The following SIPA1L1 variants were observed in gnomAD, a reference collection of about 807,000 sequenced individuals.
The protein encoded by SIPA1L1 is signal-induced proliferation-associated 1-like protein 1.
Under a neutral mutation model 162.7 loss-of-function variants are expected in SIPA1L1, and 26 were observed. That is an observed-to-expected ratio of 0.16 (90% CI 0.12 to 0.22). The LOEUF (loss-of-function observed/expected upper bound fraction) is 0.22, where lower values mean the gene tolerates loss of function less well. SIPA1L1 is among the 10% of genes least tolerant of loss of function. The probability of loss-of-function intolerance (pLI) is 1.00; values close to 1 mark genes in which losing one functional copy is unlikely to be tolerated. For synonymous variants in SIPA1L1, 829 were observed against 837.4 expected (o/e 0.99, Z 0.17); for missense variants, 1,874 against 2,241.0 (o/e 0.84, Z 3.31).
rs74956566 is a variant in SIPA1L1, at chr14:71,674,035, C to T, written c.3104+1413C>T. On this transcript the variant is annotated intron_variant, in intron 12 of 23. Transcript: ENST00000381232. ...TGTCTTGTCTCTTTCTCTGCTGTCT[C>T]TCCTTCAAATTGTCTACTTTATTGC... Among the ~76,000 whole-genome samples the T allele has an allele frequency of 7.9e-5, 12 of 152,356 alleles. No homozygotes were observed. The East Asian group carries it at 2.1e-3, about 27-fold the overall frequency.
chr14:71,555,644 T>G (rs1358230933), intron 4 of SIPA1L1, among the ~76,000 whole-genome samples: 1 of 152,214 alleles, frequency 6.6e-6, no homozygotes. Context: ...CTCTCAACTT[T>G]CAAATGTCTT....
At chr14:71,580,981 CCTGTCTAT>C (rs1487120688) in intron 4 of SIPA1L1, among the ~76,000 whole-genome samples, 1 of 152,140 alleles carries the variant, frequency 6.6e-6, no homozygotes, top group Non-Finnish European at 1.5e-5. Flanking sequence ...TGCCTGCCTG[CCTGTCTAT>C]CTGTCTATCT....
intron 13 of SIPA1L1, among the ~76,000 whole-genome samples, chr14:71,690,147 G>A (rs117262460): frequency 1.4e-3 from 212 of 152,224 alleles, no homozygotes; most frequent in Non-Finnish European, 2.5e-3. Flanking sequence ...TCACAGCTTC[G>A]TGCCTTGCCA....
At chr14:71,326,739 A>G (rs559509418) in intron 2 of SIPA1L1, among the ~76,000 whole-genome samples, 195 of 113,150 alleles carry the variant, frequency 1.7e-3, no homozygotes, top group Non-Finnish European at 2.7e-3. Flanking sequence ...TTTTTTTGAG[A>G]TGGAGTCTGT....
At chr14:71,728,183 G>A (rs1265654334) in intron 19 of SIPA1L1, among the ~76,000 whole-genome samples, 2 of 152,202 alleles carry the variant, frequency 1.3e-5, no homozygotes, top group Non-Finnish European at 2.9e-5. Flanking sequence ...CTGGCAGGCA[G>A]GAGCCTTATG....
chr14:71,623,947 G>T (rs771097031), intron 6 of SIPA1L1, 101 bp from the exon 7 acceptor site: 3 of 934,062 alleles, frequency 3.2e-6, no homozygotes, highest in Middle Eastern at 3.6e-4. Flanking sequence ...TCATTCCCTA[G>T]CTCTGTGAGG....
intron 4 of SIPA1L1, among the ~76,000 whole-genome samples, chr14:71,551,513 C>T (rs898039906): frequency 6.6e-6 from 1 of 152,168 alleles, no homozygotes; most frequent in African/African-American, 2.4e-5. Context: ...ACATCTAATC[C>T]ATCAGTATGC....
intron 4 of SIPA1L1, among the ~76,000 whole-genome samples, chr14:71,563,461 T>G (rs935521628): frequency 3.9e-5 from 6 of 152,228 alleles, no homozygotes; most frequent in African/African-American, 1.4e-4. Flanking sequence ...GTTTTTGCAC[T>G]TATATTACTA....
intron 2 of SIPA1L1, among the ~76,000 whole-genome samples, chr14:71,332,420 G>A (rs2034651268): frequency 6.6e-6 from 1 of 152,036 alleles, no homozygotes; most frequent in Non-Finnish European, 1.5e-5. Context: ...AACAATTGCA[G>A]TTGTTTATGG....
At chr14:71,499,075 A>G (rs1231050361) in intron 2 of SIPA1L1, among the ~76,000 whole-genome samples, 2 of 152,254 alleles carry the variant, frequency 1.3e-5, no homozygotes, top group Non-Finnish European at 2.9e-5. Context: ...GTTATTGCAT[A>G]AAAGAAACAT....
intron 5 of SIPA1L1, among the ~76,000 whole-genome samples, chr14:71,600,505 A>G (rs2036607298): frequency 2.0e-5 from 3 of 152,096 alleles, no homozygotes; most frequent in Non-Finnish European, 2.9e-5. Context: ...TAGCATCGTA[A>G]TATGTTTTAA....
intron 13 of SIPA1L1, among the ~76,000 whole-genome samples, chr14:71,690,422 T>C (rs935577792): frequency 1.3e-5 from 2 of 151,972 alleles, no homozygotes; most frequent in African/African-American, 4.8e-5. Context: ...TTGAAATGAT[T>C]TTTTTTATAG....
chr14:71,326,797 T>C (rs2140209023), intron 2 of SIPA1L1, among the ~76,000 whole-genome samples: 1 of 145,846 alleles, frequency 6.9e-6, no homozygotes, highest in Admixed American at 6.9e-5. Context: ...CTGCAACCTC[T>C]GCCTCCTGGG....
chr14:71,470,267 C>T (rs1466881550), intron 2 of SIPA1L1, among the ~76,000 whole-genome samples: 1 of 152,174 alleles, frequency 6.6e-6, no homozygotes, highest in Admixed American at 6.6e-5. Context: ...TATAGTAGAT[C>T]CTGATACGGA....
intron 2 of SIPA1L1, among the ~76,000 whole-genome samples, chr14:71,434,522 C>G (rs146313784): frequency 2.1e-4 from 32 of 152,092 alleles, no homozygotes; most frequent in African/African-American, 7.5e-4. Flanking sequence ...TGTTCCTGTC[C>G]TTTTTGTTTT....
intron 2 of SIPA1L1, among the ~76,000 whole-genome samples, chr14:71,424,460 A>T (rs1419770764): frequency 1.3e-5 from 2 of 152,060 alleles, no homozygotes; most frequent in Non-Finnish European, 2.9e-5. Context: ...TTCTATTCCT[A>T]GTTTATTGAA....
At chr14:71,649,420 A>G (rs994485021) in intron 7 of SIPA1L1, among the ~76,000 whole-genome samples, 1 of 152,056 alleles carries the variant, frequency 6.6e-6, no homozygotes, top group African/African-American at 2.4e-5. Context: ...TGGAACTCCT[A>G]GGTTCAAGTG....
chr14:71,733,734 C>G lies in SIPA1L1; in HGVS notation c.4930C>G (p.Pro1644Ala), dbSNP rs999681998. 1.2e-6 allele frequency: 2 copies of G among 1,613,882 alleles called. No homozygotes were observed. The highest frequency in any genetic ancestry group is 1.1e-5 in the South Asian group (1 of 91,066). Reference sequence around the variant, plus strand: ...GACCCGCAGGCAGCCTATGCCCGACCCTGGCCTGATGCCCCTGCCTGACAC... The same window carrying G: ...GACCCGCAGGCAGCCTATGCCCGACGCTGGCCTGATGCCCCTGCCTGACAC... ...QETRRQPMPD[P>A]GLMPLPDTAA... The change falls in exon 21 of 24, where the codon CCT becomes GCT. Residue 1644 changes from proline to alanine, a missense_variant. Physicochemically the swap from Pro to Ala is conservative, Grantham distance 27. Coordinates refer to ENST00000381232, the MANE Select transcript of SIPA1L1 (RefSeq NM_001386936.1).
At chr14:71,374,438 T>C (rs1305063636) in intron 2 of SIPA1L1, among the ~76,000 whole-genome samples, 8 of 151,852 alleles carry the variant, frequency 5.3e-5, no homozygotes, top group Non-Finnish European at 8.8e-5. Context: ...TTGCACACTA[T>C]AGATTTTTAT....
Sources: allele counts gnomAD v4.1 joint callset (sites outside exome capture counted in the v4.1 genomes callset), GRCh38; gene constraint gnomAD v4.1.1; transcripts MANE v1.5; gene names NCBI Gene and HGNC (gene_info 2026-07-23, HGNC 2026-07-21).